Variants in REV3L observed in about 807,000 individuals in gnomAD.
REV3L encodes REV3 like, DNA directed polymerase zeta catalytic subunit.
In REV3L, 69 loss-of-function variants were observed where a neutral mutation model predicts 299.4. The observed-to-expected ratio is 0.23, with a 90% confidence interval of 0.19 to 0.28. The LOEUF (loss-of-function observed/expected upper bound fraction) is 0.28. Among genes scored for constraint, REV3L ranks in the 10% least tolerant of loss-of-function variants. The pLI, the probability that REV3L is intolerant of heterozygous loss-of-function variation, is 1.00. For synonymous variants in REV3L, 1,238 were observed against 1,271.4 expected (o/e 0.97, Z 0.56); for missense variants, 3,128 against 3,693.8 (o/e 0.85, Z 3.97).
At chr6:111,344,883 A>G (rs1421063239) in intron 20 of REV3L, among the ~76,000 whole-genome samples, 2 of 152,228 alleles carry the variant, frequency 1.3e-5, no homozygotes, top group African/African-American at 2.4e-5. Context: ...GGTACAAAAT[A>G]GGGATTGAAT....
intron 1 of REV3L, among the ~76,000 whole-genome samples, chr6:111,468,769 G>A (rs1791823500): frequency 6.6e-6 from 1 of 152,116 alleles, no homozygotes; most frequent in South Asian, 2.1e-4. Flanking sequence ...TTAGCCTGGT[G>A]TGGGCTGTTG....
chr6:111,438,467 A>C (rs533355204), intron 1 of REV3L, among the ~76,000 whole-genome samples: 1 of 151,358 alleles, frequency 6.6e-6, no homozygotes, highest in Non-Finnish European at 1.5e-5. Flanking sequence ...AGTGTGCACC[A>C]GTGTACCTGG....
intron 21 of REV3L, among the ~76,000 whole-genome samples, chr6:111,336,188 A>G (rs1282326751): frequency 6.6e-6 from 1 of 151,924 alleles, no homozygotes; most frequent in Admixed American, 6.6e-5. Context: ...TCTGTTTTTC[A>G]GTTTAAACCT....
chr6:111,369,981 T>C (rs1436630794), intron 13 of REV3L, among the ~76,000 whole-genome samples: 3 of 151,960 alleles, frequency 2.0e-5, no homozygotes, highest in Non-Finnish European at 4.4e-5. Flanking sequence ...TACAGACTCA[T>C]GCCACCATGC....
chr6:111,303,761 C>T (rs1268593399), intron 31 of REV3L, among the ~76,000 whole-genome samples: 1 of 121,844 alleles, frequency 8.2e-6, no homozygotes, highest in Non-Finnish European at 1.6e-5. Context: ...GCTCTGTCAC[C>T]CAGGCTGGAG....
intron 1 of REV3L, among the ~76,000 whole-genome samples, chr6:111,467,794 G>A (rs1791687816): frequency 6.6e-6 from 1 of 152,074 alleles, no homozygotes; most frequent in Non-Finnish European, 1.5e-5. Flanking sequence ...TATATCCTCA[G>A]GGATTCCTGC....
intron 13 of REV3L, among the ~76,000 whole-genome samples, chr6:111,372,061 TAATAAC>T (rs559974966): frequency 1.1e-3 from 166 of 152,236 alleles, no homozygotes; most frequent in African/African-American, 3.8e-3. Context: ...GCATAAACTA[TAATAAC>T]AATAACAATA....
At chr6:111,449,657 G>A (rs1158742236) in intron 1 of REV3L, among the ~76,000 whole-genome samples, 2 of 152,132 alleles carry the variant, frequency 1.3e-5, no homozygotes, top group Admixed American at 6.5e-5. Flanking sequence ...CCCTAGTTAA[G>A]TTTGTTCTGT....
rs118107501 is a variant in REV3L at position 111,400,633 on chromosome 6, T to C, written c.565+4837A>G. Among the ~76,000 whole-genome samples the C allele has an allele frequency of 6.3e-3, 962 of 152,340 alleles. 5 individuals are homozygous for C. Among genetic ancestry groups the C allele is most frequent in the Non-Finnish European group, 9.4e-3 (641 of 68,028 alleles). On this transcript the variant is annotated intron_variant, in intron 4 of 31. Transcript: ENST00000368802. ...CACAAGTCCTCTATCAGATTGTAAT[T>C]TGCAAACATTTTCTCCCAGTCCATG... is the stretch of plus-strand genomic sequence containing the variant.
At chr6:111,437,594 A>T (rs1787714074) in intron 1 of REV3L, among the ~76,000 whole-genome samples, 1 of 151,966 alleles carries the variant, frequency 6.6e-6, no homozygotes, top group Non-Finnish European at 1.5e-5. Flanking sequence ...AGACACAAAA[A>T]ATCACATATT....
Position 111,390,173 on chromosome 6 carries a change from T to C in REV3L, c.670A>G (p.Ile224Val), listed in dbSNP as rs1781769544. ...CTCTGTGGTTCAACACCTTCCAATATTAAAGAGCTGCAATTAAAGGATATA... is the reference window on the plus strand; with the variant it reads ...CTCTGTGGTTCAACACCTTCCAATACTAAAGAGCTGCAATTAAAGGATATA... ...WEQDEIPSSL[I>V]LEGVEPQSTC... is the part of the protein sequence containing the mutation. The change falls in exon 6 of 32, where the codon ATA (isoleucine) becomes GTA (valine). Residue 224 changes from isoleucine (I) to valine (V), a missense_variant. Transcript: ENST00000368802. 3.2e-6 allele frequency: 5 copies of C among 1,586,434 alleles called. No individual in the cohort carries two copies. The African/African-American group carries it at 4.0e-5, about 13-fold the overall frequency.
rs1208318697 is a variant in REV3L at position 111,331,918 on chromosome 6, AAT to A, written c.7926-136_7926-135del. On this transcript the variant is annotated intron_variant, in intron 23 of 31. Coordinates refer to ENST00000368802, the MANE Select transcript of REV3L (RefSeq NM_001372078.1). ...CTAAACAAGAATTCATGTACTTAGTAATATGTTTATTTGCCTCATTACCAAAA... is the reference window on the plus strand; with the variant it reads ...CTAAACAAGAATTCATGTACTTAGTAATGTTTATTTGCCTCATTACCAAAA... 14 of 614,258 alleles carry A rather than the reference AAT, an allele frequency of 2.3e-5. No individual in the cohort carries two copies. The African/African-American group carries it at 2.3e-4, about 10-fold the overall frequency. 38.1% of individuals were successfully genotyped at this position (614,258 alleles called of 1,614,324 possible).
In REV3L at chr6:111,368,021, C is replaced by G. The variant is rs3218604; in HGVS notation, c.5767G>C (p.Gly1923Arg). The change falls in exon 14 of 32, where the codon GGT becomes CGT. Residue 1923 changes from glycine (G) to arginine (R), a missense_variant. By Grantham distance (125) the Gly-to-Arg change is moderately radical (BLOSUM62 -2). Transcript: ENST00000368802. ...SDVPEKPREI[G>R]GRLLMVETRL... ...GTTTCTACCATGAGGAGCCGTCCAC[C>G]AATCTCCCTATAATAACATATTTTA... The G allele has an allele frequency of 1.4e-4, 221 of 1,601,108 alleles. 1 individual carries two copies. Among genetic ancestry groups the G allele is most frequent in the Middle Eastern group, 5.0e-4 (3 of 5,964 alleles).
chr6:111,369,530 T>G (rs76813116), intron 13 of REV3L, among the ~76,000 whole-genome samples: 16,311 of 151,984 alleles, frequency 0.11, 1,147 homozygotes, highest in Middle Eastern at 0.2. Flanking sequence ...ATATCTATAG[T>G]GGCAAAATTG....
rs940358200 is a variant in REV3L at position 111,349,280 on chromosome 6, T to C, written c.7357A>G (p.Met2453Val). 2 of 1,609,348 alleles carry C rather than the reference T, an allele frequency of 1.2e-6. No individual in the cohort carries two copies. The highest frequency in any genetic ancestry group is 1.7e-5 in the Admixed American group (1 of 59,878). ...CGGCCAACAATATTTATCTCACTCA[T>C]TGTATATGATCCATACTCATCTCTT... ...AERDEYGSYT[M>V]SEINIVGRIT... The change falls in exon 20 of 32, where the codon ATG (methionine) becomes GTG (valine). Residue 2453 changes from methionine to valine, a missense_variant. Physicochemically the swap from Met to Val is conservative, Grantham distance 21. Coordinates refer to ENST00000368802, the MANE Select transcript of REV3L (RefSeq NM_001372078.1).
chr6:111,470,717 C>T (rs1018296497), intron 1 of REV3L, among the ~76,000 whole-genome samples: 1 of 152,140 alleles, frequency 6.6e-6, no homozygotes, highest in African/African-American at 2.4e-5. Context: ...TGATGGCTCA[C>T]GCCTGTAATC....
chr6:111,475,547 G>A (rs1248592220), intron 1 of REV3L, among the ~76,000 whole-genome samples: 1 of 152,064 alleles, frequency 6.6e-6, no homozygotes, highest in Non-Finnish European at 1.5e-5. Flanking sequence ...TTGCTCATTT[G>A]ATAGGTGACA....
chr6:111,418,612 A>C (rs938449305), intron 1 of REV3L, among the ~76,000 whole-genome samples: 4 of 152,244 alleles, frequency 2.6e-5, no homozygotes, highest in African/African-American at 9.6e-5. Context: ...TAACGTTCCC[A>C]AAGTCACATA....
rs1562286878 is a variant in REV3L, at chr6:111,422,605, T to TTTCCCCCCACTAA, written c.140-6134_140-6133insTTAGTGGGGGGAA. ...ATATATATATATATACACATATATA[T>TTTCCCCCCACTAA]ATATATACACATATATATATATATA... On this transcript the variant is annotated intron_variant, in intron 1 of 31. Coordinates refer to ENST00000368802, the MANE Select transcript of REV3L (RefSeq NM_001372078.1). 3.5e-4 allele frequency among the ~76,000 whole-genome samples: 7 copies of TTTCCCCCCACTAA among 19,810 alleles called. 2 individuals are homozygous for TTTCCCCCCACTAA. The highest frequency in any genetic ancestry group is 7.0e-4 in the African/African-American group (4 of 5,694). 13.0% of individuals were successfully genotyped at this position (19,810 alleles called of 152,430 possible).
Sources: gnomAD v4.1 joint callset for allele counts (sites outside exome capture counted in the v4.1 genomes callset) on GRCh38, gnomAD v4.1.1 for gene constraint, MANE v1.5 for transcripts, NCBI Gene and HGNC (gene_info 2026-07-23, HGNC 2026-07-21) for gene names.